RGL1: variants seen among roughly 807,000 people sequenced by gnomAD.
RGL1 encodes ral guanine nucleotide dissociation stimulator-like 1.
In RGL1, 24 loss-of-function variants were observed where a neutral mutation model predicts 95.2. The observed-to-expected ratio is 0.25, with a 90% CI of 0.18 to 0.35. The LOEUF (loss-of-function observed/expected upper bound fraction) is 0.35, where lower values mean the gene tolerates loss of function less well. Ranked by LOEUF, RGL1 falls within the 10% of genes least tolerant of loss-of-function variation. The probability of loss-of-function intolerance (pLI) is 1.00; values close to 1 mark genes in which losing one functional copy is unlikely to be tolerated. For missense variants in RGL1, 715 were observed against 936.3 expected (o/e 0.76, Z 3.08); for synonymous variants, 329 against 344.9 (o/e 0.95, Z 0.51).
At chr1:183,764,873 A>G (rs1016555821) in intron 2 of RGL1, among the ~76,000 whole-genome samples, 1 of 152,228 alleles carries the variant, frequency 6.6e-6, no homozygotes, top group African/African-American at 2.4e-5. Context: ...GTCCCACTAT[A>G]CTTGGCCTGA....
intron 1 of RGL1, among the ~76,000 whole-genome samples, chr1:183,670,646 G>C (rs147676831): frequency 1.6e-4 from 24 of 152,280 alleles, no homozygotes; most frequent in Non-Finnish European, 3.4e-4. Flanking sequence ...GTATCTGCCT[G>C]TCTCTCTGAT....
At chr1:183,663,979 C>T (rs147024378) in intron 1 of RGL1, among the ~76,000 whole-genome samples, 9,699 of 146,918 alleles carry the variant, frequency 0.066, 576 homozygotes, top group African/African-American at 0.16. Context: ...AACCAAGCAC[C>T]GCATGTTCTC....
chr1:183,671,730 TC>T (rs1652465867), intron 1 of RGL1, among the ~76,000 whole-genome samples: 1 of 152,164 alleles, frequency 6.6e-6, no homozygotes, highest in Non-Finnish European at 1.5e-5. Flanking sequence ...GGAGCTAAAC[TC>T]AGTTCAATCT....
At chr1:183,704,617 CA>C (rs1269871839) in intron 1 of RGL1, among the ~76,000 whole-genome samples, 1 of 152,160 alleles carries the variant, frequency 6.6e-6, no homozygotes, top group Non-Finnish European at 1.5e-5. Context: ...AGTGTTCACA[CA>C]GGAGTGCGTA....
intron 2 of RGL1, among the ~76,000 whole-genome samples, chr1:183,808,636 CCT>C (rs374322820): frequency 2.1e-4 from 32 of 152,246 alleles, no homozygotes; most frequent in African/African-American, 7.5e-4. Context: ...ATTCCAGTAC[CCT>C]TTCAAAATTC....
intron 2 of RGL1, among the ~76,000 whole-genome samples, chr1:183,791,790 C>T (rs1477901456): frequency 2.0e-5 from 3 of 152,162 alleles, no homozygotes; most frequent in African/African-American, 7.2e-5. Context: ...GACATTGAGG[C>T]ATTAATTTTC....
At chr1:183,916,371 C>T (rs939791633) in intron 15 of RGL1, 76 bp from the exon 16 acceptor site, 6 of 1,549,094 alleles carry the variant, frequency 3.9e-6, no homozygotes, top group Non-Finnish European at 5.3e-6. Flanking sequence ...TTGATATCTA[C>T]CTCTGCTTTG....
rs1034369126 is a variant in RGL1, at chr1:183,756,532, C to T, written c.132+14243C>T. On this transcript the variant is annotated intron_variant, in intron 2 of 18. Transcript: ENST00000304685. ...TGAAAGGTTTTTGGCAGGCTAGTGA[C>T]ATGTTCAGATTTGTTTTTAGAAATG... Among the ~76,000 whole-genome samples the T allele has an allele frequency of 7.0e-4, 106 of 152,168 alleles. 4 individuals carry two copies. Among genetic ancestry groups the T allele is most frequent in the Admixed American group, 4.6e-4 (7 of 15,268 alleles).
intron 4 of RGL1, among the ~76,000 whole-genome samples, chr1:183,871,892 G>A (rs1666204710): frequency 6.6e-6 from 1 of 152,232 alleles, no homozygotes. Context: ...AGACAAGAAT[G>A]TGTTCAGTTG....
chr1:183,700,554 T>G (rs1333010177), intron 1 of RGL1, among the ~76,000 whole-genome samples: 2 of 46,412 alleles, frequency 4.3e-5, no homozygotes, highest in African/African-American at 9.2e-5. Context: ...TCTAGGTTTG[T>G]TTTTTTTTTT....
At chr1:183,716,941 G>A (rs1304939636) in intron 1 of RGL1, among the ~76,000 whole-genome samples, 1 of 152,184 alleles carries the variant, frequency 6.6e-6, no homozygotes, top group African/African-American at 2.4e-5. Context: ...TGGCAAATCA[G>A]GGAGCCAAGT....
chr1:183,819,943 C>A (rs1321149246), intron 2 of RGL1, among the ~76,000 whole-genome samples: 1 of 151,894 alleles, frequency 6.6e-6, no homozygotes, highest in Non-Finnish European at 1.5e-5. Context: ...CACCACCATG[C>A]CTGGCTAATT....
Position 183,912,085 on chromosome 1 carries a change from G to C in RGL1, c.1566G>C (p.Leu522=). The C allele has an allele frequency of 6.2e-7, 1 of 1,612,500 alleles. No homozygotes were observed. Among genetic ancestry groups the C allele is most frequent in the Non-Finnish European group, 8.5e-7 (1 of 1,179,394 alleles). The part of the protein sequence containing the change: ...RKSMVKRLSL[L]FLGSDMITSP... The stretch of plus-strand genomic sequence containing the variant: ...TTGGCATTCTGTTTTTTTCCAGACT[G>C]TTTCTAGGGTCTGACATGATCACCA... Residue 522 remains leucine, a synonymous_variant, in exon 15 of 18, where the codon CTG becomes CTC. Transcript: ENST00000360851.
chr1:183,765,097 A>G (rs938273290), intron 2 of RGL1, among the ~76,000 whole-genome samples: 1 of 152,228 alleles, frequency 6.6e-6, no homozygotes, highest in Non-Finnish European at 1.5e-5. Context: ...CCTGCCAGGA[A>G]GGTGACTCTC....
intron 9 of RGL1, among the ~76,000 whole-genome samples, chr1:183,895,895 C>T (rs1188041833): frequency 6.6e-6 from 1 of 152,194 alleles, no homozygotes; most frequent in African/African-American, 2.4e-5. Context: ...CCATCTCAGG[C>T]GTTTCTCTCT....
chr1:183,647,611 T>G, intron 1 of RGL1: 1 of 1,502,668 alleles, frequency 6.7e-7, no homozygotes, highest in Middle Eastern at 1.8e-4. Flanking sequence ...AGAGAAAGTT[T>G]CCAGATTTTT....
chr1:183,786,478 A>G (rs1338585739), intron 2 of RGL1, among the ~76,000 whole-genome samples: 1 of 152,198 alleles, frequency 6.6e-6, no homozygotes, highest in Non-Finnish European at 1.5e-5. Flanking sequence ...ATTTTGGAAT[A>G]TTTGCATTAT....
At chr1:183,695,942 A>G (rs560088337) in intron 1 of RGL1, among the ~76,000 whole-genome samples, 241 of 152,346 alleles carry the variant, frequency 1.6e-3, no homozygotes, top group African/African-American at 4.7e-3. Context: ...CTTAAAAGCT[A>G]AGCCTACTGA....
chr1:183,745,578 G>A (rs1657577109), intron 2 of RGL1, among the ~76,000 whole-genome samples: 1 of 151,762 alleles, frequency 6.6e-6, no homozygotes, highest in African/African-American at 2.4e-5. Flanking sequence ...TTCTTCTTCA[G>A]TTTATAATGC....
Sources: gnomAD v4.1 joint callset for allele counts (sites outside exome capture counted in the v4.1 genomes callset) on GRCh38, gnomAD v4.1.1 for gene constraint, MANE v1.5 for transcripts, NCBI Gene and HGNC (gene_info 2026-07-23, HGNC 2026-07-21) for gene names.